KPNA5: variants seen among roughly 807,000 people sequenced by gnomAD.
The protein encoded by KPNA5 is importin subunit alpha-6.
Under a neutral mutation model 71.3 loss-of-function variants are expected in KPNA5, and 46 were observed. The observed-to-expected ratio is 0.65, with a 90% confidence interval of 0.51 to 0.83. The LOEUF (loss-of-function observed/expected upper bound fraction) is 0.83. KPNA5 is among the 40% of genes least tolerant of loss of function. The pLI is 0.00. For synonymous variants in KPNA5, 207 were observed against 201.4 expected (o/e 1.03, Z -0.24); for missense variants, 547 against 628.3 (o/e 0.87, Z 1.38).
chr6:116,719,999 A>G (rs1562450762), intron 8 of KPNA5, among the ~76,000 whole-genome samples: 1 of 152,266 alleles, frequency 6.6e-6, no homozygotes, highest in Admixed American at 6.5e-5. Context: ...TTATATCCCA[A>G]AGTTCTGTTT....
At chr6:116,702,646 G>A (rs1417536051) in intron 6 of KPNA5, among the ~76,000 whole-genome samples, 1 of 152,176 alleles carries the variant, frequency 6.6e-6, no homozygotes, top group African/African-American at 2.4e-5. Context: ...TCCAGCCTGG[G>A]CGACAGAGCG....
chr6:116,707,377 T>C (rs1778487019), intron 7 of KPNA5, among the ~76,000 whole-genome samples: 1 of 152,190 alleles, frequency 6.6e-6, no homozygotes, highest in Non-Finnish European at 1.5e-5. Context: ...TAACTCAACT[T>C]TAATTTATAA....
At chr6:116,718,311 G>A (rs977976809) in intron 8 of KPNA5, among the ~76,000 whole-genome samples, 6 of 143,786 alleles carry the variant, frequency 4.2e-5, no homozygotes, top group African/African-American at 1.6e-4. Flanking sequence ...CACCCAGGCT[G>A]GAGTGCAGTG....
At chr6:116,728,825 C>T (rs1779373111) in intron 12 of KPNA5, among the ~76,000 whole-genome samples, 1 of 151,982 alleles carries the variant, frequency 6.6e-6, no homozygotes, top group Admixed American at 6.6e-5. Flanking sequence ...AGGCACACAG[C>T]CTGGCTTCAT....
chr6:116,696,225 G>A (rs1778022990), intron 4 of KPNA5, among the ~76,000 whole-genome samples: 1 of 152,110 alleles, frequency 6.6e-6, no homozygotes, highest in Non-Finnish European at 1.5e-5. Flanking sequence ...TGCTTGCCCA[G>A]TTGGACATAC....
chr6:116,681,867 A>AT (rs1777373078), intron 1 of KPNA5, among the ~76,000 whole-genome samples: 1 of 152,072 alleles, frequency 6.6e-6, no homozygotes, highest in Non-Finnish European at 1.5e-5. Flanking sequence ...CACGCTTCTA[A>AT]TAGTCGGGCA....
In KPNA5 at chr6:116,733,608, T is replaced by C. The variant is rs183591359; in HGVS notation, c.*1285T>C. 6.6e-6 allele frequency: 1 copy of C among 151,438 alleles called. No individual in the cohort carries two copies. Among genetic ancestry groups the C allele is most frequent in the Admixed American group, 6.6e-5 (1 of 15,136 alleles). The allele number at this position is 151,438 out of a possible 1,614,324, so 9.4% of individuals were successfully genotyped here. A position where few individuals can be genotyped will look rare whatever the true frequency, so the allele number is the denominator to read the frequency against. Reference sequence around the variant, plus strand: ...AAAATTATATATATATTTATACATATATATGTGTGTGTGTTACTCTCACAG... The same window carrying C: ...AAAATTATATATATATTTATACATACATATGTGTGTGTGTTACTCTCACAG... On this transcript the variant is annotated 3_prime_UTR_variant, in exon 14 of 14. Transcript: ENST00000368564.
intron 7 of KPNA5, among the ~76,000 whole-genome samples, chr6:116,711,033 T>A (rs1778655426): frequency 6.6e-6 from 1 of 151,008 alleles, no homozygotes; most frequent in Non-Finnish European, 1.5e-5. Context: ...TAGCTGGGAT[T>A]ACAGGTGCAT....
At chr6:116,705,019 G>A in intron 6 of KPNA5, 53 bp from the exon 7 acceptor site, 3 of 1,302,860 alleles carry the variant, frequency 2.3e-6, no homozygotes, top group Non-Finnish European at 2.2e-6. Flanking sequence ...CATTCCTAAA[G>A]GAAAGCCTCT....
At position 116,692,964 on chromosome 6, in the gene KPNA5, C is replaced by T. The variant is rs556766199; in HGVS notation, c.340+572C>T. ...TGTGTTCTCATTGTTCAATTCCCACCTATGAGTGAGAACATGCGGTGTTTG... is the reference window on the plus strand; with the variant it reads ...TGTGTTCTCATTGTTCAATTCCCACTTATGAGTGAGAACATGCGGTGTTTG... On this transcript the variant is annotated intron_variant, in intron 4 of 13. Coordinates refer to ENST00000368564, the MANE Select transcript of KPNA5 (RefSeq NM_001366306.2). Among the ~76,000 whole-genome samples the T allele has an allele frequency of 2.1e-3, 315 of 152,250 alleles. 1 individual carries two copies. Among genetic ancestry groups the T allele is most frequent in the African/African-American group, 7.4e-3 (308 of 41,536 alleles).
intron 7 of KPNA5, among the ~76,000 whole-genome samples, chr6:116,711,623 GT>G (rs1269165118): frequency 2.0e-5 from 3 of 150,526 alleles, no homozygotes; most frequent in Non-Finnish European, 4.4e-5. Flanking sequence ...GAATTTTCTA[GT>G]TTTCTGTCTG....
At chr6:116,702,271 TA>T in intron 6 of KPNA5, 121 bp downstream of exon 6, 1 of 1,004,334 alleles carries the variant, frequency 1.0e-6, no homozygotes, top group Non-Finnish European at 1.4e-6. Context: ...CATTAAATTG[TA>T]GTAGTGTTTT....
In KPNA5 at chr6:116,732,539, C is replaced by A. The variant is rs1316059731; in HGVS notation, c.*216C>A. On this transcript the variant is annotated 3_prime_UTR_variant, in exon 14 of 14. Coordinates refer to ENST00000368564, the MANE Select transcript of KPNA5 (RefSeq NM_001366306.2). ...TTTGTTGTTGTGCCTGTATTTATATCTTCTATTGTTTGGATTTTTGTATCT... is the reference window on the plus strand; with the variant it reads ...TTTGTTGTTGTGCCTGTATTTATATATTCTATTGTTTGGATTTTTGTATCT... The A allele has an allele frequency of 4.0e-6, 1 of 247,632 alleles. No homozygotes were observed. The highest frequency in any genetic ancestry group is 6.7e-5 in the East Asian group (1 of 14,992). The allele number at this position is 247,632 out of a possible 1,614,324, so 15.3% of individuals were successfully genotyped here.
chr6:116,688,956 T>C (rs1777691716), intron 1 of KPNA5, among the ~76,000 whole-genome samples: 1 of 152,034 alleles, frequency 6.6e-6, no homozygotes, highest in Non-Finnish European at 1.5e-5. Flanking sequence ...TAGAAGACTT[T>C]TTTTTTAACC....
intron 5 of KPNA5, among the ~76,000 whole-genome samples, chr6:116,700,487 C>A (rs556110984): frequency 6.6e-6 from 1 of 151,794 alleles, no homozygotes; most frequent in Non-Finnish European, 1.5e-5. Flanking sequence ...CAAACAAACA[C>A]ACACACACTG....
intron 3 of KPNA5, 41 bp from the exon 4 acceptor site, chr6:116,692,252 A>G: frequency 6.9e-7 from 1 of 1,445,780 alleles, no homozygotes; most frequent in Non-Finnish European, 9.6e-7. Flanking sequence ...ATTCATGTAA[A>G]ATATGTAAAT....
chr6:116,729,655 A>G lies in KPNA5; in HGVS notation c.1346A>G (p.Glu449Gly). Residue 449 changes from glutamate (E) to glycine (G), a missense_variant, in exon 13 of 14, where the codon GAA (glutamate) becomes GGA (glycine). Physicochemically the swap from Glu to Gly is moderately conservative, Grantham distance 98 (BLOSUM62 -2). Transcript: ENST00000368564. ...KIVQVALNGL[E>G]NILRLGEQES... ...GTCCAAGTGGCTTTAAATGGACTTG[A>G]AAATATTTTACGTCTTGGAGAACAA... The G allele has an allele frequency of 6.2e-7, 1 of 1,610,930 alleles. No individual in the cohort carries two copies.
At chr6:116,714,681 A>G (rs191809893) in intron 7 of KPNA5, among the ~76,000 whole-genome samples, 2 of 152,174 alleles carry the variant, frequency 1.3e-5, no homozygotes, top group Non-Finnish European at 2.9e-5. Flanking sequence ...CCTCAACTGT[A>G]TCTTTTGTTG....
chr6:116,698,677 A>G (rs772068187), intron 4 of KPNA5, 27 bp from the exon 5 acceptor site: 13 of 1,322,260 alleles, frequency 9.8e-6, no homozygotes, highest in Non-Finnish European at 1.4e-5. Context: ...TGTCTTTGTA[A>G]TAACTGAAGT....
Sources: gnomAD v4.1 joint callset for allele counts (sites outside exome capture counted in the v4.1 genomes callset) on GRCh38, gnomAD v4.1.1 for gene constraint, MANE v1.5 for transcripts, NCBI Gene and HGNC (gene_info 2026-07-23, HGNC 2026-07-21) for gene names.